The following RRP1B variants were observed in gnomAD, a reference collection of about 807,000 sequenced individuals.
RRP1B encodes the protein ribosomal RNA processing protein 1 homolog B.
Under a neutral mutation model 80.2 loss-of-function variants are expected in RRP1B, and 56 were observed. The observed-to-expected ratio is 0.70, with a 90% CI of 0.56 to 0.87. The LOEUF (loss-of-function observed/expected upper bound fraction) is 0.87, where lower values mean the gene tolerates loss of function less well. Ranked by LOEUF, RRP1B falls within the 40% of genes least tolerant of loss-of-function variation. The pLI is 0.00. For synonymous variants in RRP1B, 351 were observed against 357.6 expected (o/e 0.98, Z 0.21); for missense variants, 807 against 939.8 (o/e 0.86, Z 1.85).
intron 1 of RRP1B, among the ~76,000 whole-genome samples, chr21:43,665,320 G>C (rs552331687): frequency 6.6e-6 from 1 of 152,304 alleles, no homozygotes; most frequent in South Asian, 2.1e-4. Context: ...TAACTGTTCT[G>C]TAAATAAATG....
At chr21:43,669,812 C>T (rs544095372) in intron 1 of RRP1B, 72 bp from the exon 2 acceptor site, 1 of 1,080,428 alleles carries the variant, frequency 9.3e-7, no homozygotes, top group Non-Finnish European at 1.4e-6. Context: ...GTATGTGATA[C>T]TTCACCACTT....
intron 1 of RRP1B, among the ~76,000 whole-genome samples, chr21:43,669,387 ATG>A (rs2082990675): frequency 6.6e-6 from 1 of 152,102 alleles, no homozygotes; most frequent in Admixed American, 6.5e-5. Flanking sequence ...TGACTTTCAG[ATG>A]TACTGTTTGG....
chr21:43,680,497 G>C (rs2147170582), intron 8 of RRP1B, among the ~76,000 whole-genome samples: 1 of 152,188 alleles, frequency 6.6e-6, no homozygotes, highest in East Asian at 1.9e-4. Context: ...CTGGGAGGCG[G>C]AGGTTGCAGT....
intron 8 of RRP1B, among the ~76,000 whole-genome samples, chr21:43,677,938 C>G (rs947626109): frequency 6.6e-6 from 1 of 152,206 alleles, no homozygotes; most frequent in Non-Finnish European, 1.5e-5. Context: ...CATGTTTTTG[C>G]AGCTGTGGAT....
At chr21:43,660,312 C>T (rs2147155745) in intron 1 of RRP1B, among the ~76,000 whole-genome samples, 1 of 152,304 alleles carries the variant, frequency 6.6e-6, no homozygotes, top group South Asian at 2.1e-4. Flanking sequence ...GCATGTAATC[C>T]CAGCACTCTG....
chr21:43,664,330 A>G (rs1601750330), intron 1 of RRP1B, among the ~76,000 whole-genome samples: 2 of 147,620 alleles, frequency 1.4e-5, no homozygotes, highest in East Asian at 3.9e-4. Flanking sequence ...TCCGTCTCAA[A>G]AAAAAAAAAA....
rs750222401 is a variant in RRP1B at position 43,675,034 on chromosome 21, C to A, written c.420C>A (p.Ser140Arg). ...CAGAAGCATGCGTTTGGTTCTTTAG[C>A]CGAATCAAGGTTTTCTTGGATGTCC... ...EVLKRNGWEE[S>R]RIKVFLDVLM... is the part of the protein sequence containing the mutation. Residue 140 changes from serine to arginine, a missense_variant and splice_region_variant, in exon 6 of 16, where the codon AGC becomes AGA. Coordinates refer to ENST00000340648, the MANE Select transcript of RRP1B (RefSeq NM_015056.3). 6.2e-7 allele frequency: 1 copy of A among 1,613,722 alleles called. No homozygotes were observed.
At chr21:43,673,983 ACTC>A (rs756771477) in intron 4 of RRP1B, 28 bp downstream of exon 4, 2 of 1,501,130 alleles carry the variant, frequency 1.3e-6, no homozygotes, top group Non-Finnish European at 1.8e-6. Flanking sequence ...TACTTCAAAA[ACTC>A]CTGGGAAGAA....
At chr21:43,671,577 A>G (rs1183640040) in intron 2 of RRP1B, among the ~76,000 whole-genome samples, 3 of 151,714 alleles carry the variant, frequency 2.0e-5, no homozygotes, top group Non-Finnish European at 4.4e-5. Flanking sequence ...TGTGTTGCCT[A>G]GGCTGGCGTT....
intron 6 of RRP1B, among the ~76,000 whole-genome samples, chr21:43,675,599 A>G (rs2083018593): frequency 6.6e-6 from 1 of 152,240 alleles, no homozygotes; most frequent in South Asian, 2.1e-4. Context: ...TTTCTTTCAC[A>G]GGTGTTTTGC....
rs181792700 is a variant in RRP1B, at chr21:43,672,081, T to C, written c.214-227T>C. On this transcript the variant is annotated intron_variant, in intron 2 of 15. Coordinates refer to ENST00000340648, the MANE Select transcript of RRP1B (RefSeq NM_015056.3). Reference sequence around the variant, plus strand: ...AGAGATGCTTTTTTAAACATGTAGCTTAACACAGTTCTTGCAGACATACCA... The same window carrying C: ...AGAGATGCTTTTTTAAACATGTAGCCTAACACAGTTCTTGCAGACATACCA... Among the ~76,000 whole-genome samples, 357 of 152,344 alleles carry C rather than the reference T, an allele frequency of 2.3e-3. 3 individuals carry two copies. Among genetic ancestry groups the C allele is most frequent in the Non-Finnish European group, 1.8e-3 (124 of 68,038 alleles).
Position 43,659,606 on chromosome 21 carries a change from G to T in RRP1B, c.-59G>T. 1 of 1,368,048 alleles carries T rather than the reference G, an allele frequency of 7.3e-7. No individual in the cohort carries two copies. The highest frequency in any genetic ancestry group is 1.7e-5 in the South Asian group (1 of 58,338). The allele number at this position is 1,368,048 out of a possible 1,614,324, so 84.7% of individuals were successfully genotyped here. ...GGACGGTGGCTGGCTGCTCCGCAGC[G>T]CTCGGCTGGCTGCAGCGGCACCGCG... is the stretch of plus-strand genomic sequence containing the variant. On this transcript the variant is annotated 5_prime_UTR_variant, in exon 1 of 16. Transcript: ENST00000340648. This position sits in a 1 kb window ranked among gnomAD's most constrained non-coding sequence, Gnocchi z 4.2.
At chr21:43,674,460 AAT>A (rs2083012863) in intron 4 of RRP1B, among the ~76,000 whole-genome samples, 174 bp from the exon 5 acceptor site, 1 of 152,024 alleles carries the variant, frequency 6.6e-6, no homozygotes, top group Admixed American at 6.6e-5. Flanking sequence ...CTTGGCTATG[AAT>A]ATGTTTTTTG....
At chr21:43,685,500 T>A (rs1162418286) in intron 10 of RRP1B, among the ~76,000 whole-genome samples, 2 of 152,236 alleles carry the variant, frequency 1.3e-5, no homozygotes, top group African/African-American at 2.4e-5. Flanking sequence ...TGTGCCAAGA[T>A]GCATCTTTGG....
chr21:43,686,897 ATAAACTTT>A lies in RRP1B; in HGVS notation c.1106_1113del (p.Lys369ArgfsTer4). 6.2e-7 allele frequency: 1 copy of A among 1,614,076 alleles called. No individual in the cohort carries two copies. Among genetic ancestry groups the A allele is most frequent in the Non-Finnish European group, 8.5e-7 (1 of 1,179,980 alleles). On this transcript the variant is annotated frameshift_variant, in exon 12 of 16. Transcript: ENST00000340648. LOFTEE classifies it high-confidence loss of function. ...CAAGGAAAGCATAAGAAGAAAGGAA[ATAAACTTT>A]TAGAGAAAACTAACTTGGAAAAGGA...
intron 7 of RRP1B, 110 bp downstream of exon 7, chr21:43,676,446 G>C: frequency 1.2e-6 from 1 of 844,300 alleles, no homozygotes; most frequent in Non-Finnish European, 1.9e-6. Context: ...TCACAGCAGA[G>C]AGCGGCTGGA....
At position 43,685,805 on chromosome 21, in the gene RRP1B, A is replaced by G; in HGVS notation, c.1009+16A>G. 6.3e-7 allele frequency: 1 copy of G among 1,591,272 alleles called. No homozygotes were observed. The highest frequency in any genetic ancestry group is 8.6e-7 in the Non-Finnish European group (1 of 1,168,340). On this transcript the variant is annotated intron_variant, in intron 11 of 15. Coordinates refer to ENST00000340648, the MANE Select transcript of RRP1B (RefSeq NM_015056.3). ...CTTTCTGAAGGTGAGGCGCGCCAAG[A>G]ATCATCATTCATGGTGTTTTTCGTG...
Position 43,681,096 on chromosome 21 carries a change from C to G in RRP1B, c.797-2183C>G, listed in dbSNP as rs537044944. Among the ~76,000 whole-genome samples the G allele has an allele frequency of 1.1e-4, 17 of 152,030 alleles. No individual in the cohort carries two copies. In the South Asian group the frequency reaches 1.2e-3, roughly 11 times the overall value. On this transcript the variant is annotated intron_variant, in intron 8 of 15. Transcript: ENST00000340648. The stretch of plus-strand genomic sequence containing the variant: ...CTCTACCAAAAAGTACAAAAATTAG[C>G]CAGGTATGGTGGCGGTCGCCTATAG...
At chr21:43,683,249 AT>A in intron 8 of RRP1B, 29 bp from the exon 9 acceptor site, 1 of 1,555,770 alleles carries the variant, frequency 6.4e-7, no homozygotes, top group South Asian at 1.1e-5. Context: ...TGATATGTCA[AT>A]AATTTGGTCT....
Sources: gnomAD v4.1 joint callset for allele counts (sites outside exome capture counted in the v4.1 genomes callset) on GRCh38, gnomAD v4.1.1 for gene constraint, Gnocchi (gnomAD v3.1) non-coding constraint, MANE v1.5 for transcripts, NCBI Gene and HGNC (gene_info 2026-07-23, HGNC 2026-07-21) for gene names.